NTM: variants seen among roughly 807,000 people sequenced by gnomAD.
NTM encodes the protein neurotrimin, also known as IgLON family member 2.
A neutral mutation model predicts 42.1 loss-of-function variants in NTM; 13 were observed. That is an observed-to-expected ratio of 0.31 (90% CI 0.20 to 0.49). NTM has a LOEUF of 0.49. Among genes scored for constraint, NTM ranks in the 20% least tolerant of loss-of-function variants. The probability of loss-of-function intolerance (pLI) is 0.99; values close to 1 mark genes in which losing one functional copy is unlikely to be tolerated. For missense variants in NTM, 373 were observed against 452.8 expected (o/e 0.82, Z 1.60); for synonymous variants, 187 against 179.2 (o/e 1.04, Z -0.35).
chr11:131,710,550 T>A (rs1211418554), intron 1 of NTM, among the ~76,000 whole-genome samples: 2 of 152,184 alleles, frequency 1.3e-5, no homozygotes. Flanking sequence ...TGTCATGATA[T>A]CTACTCAAAC....
intron 1 of NTM, among the ~76,000 whole-genome samples, chr11:131,613,789 A>G (rs1312492997): frequency 6.6e-6 from 1 of 151,990 alleles, no homozygotes; most frequent in East Asian, 1.9e-4. Flanking sequence ...ACAGCCCGTA[A>G]GATCTGAGAC....
chr11:131,479,734 G>T (rs556924820), intron 1 of NTM, among the ~76,000 whole-genome samples: 14 of 152,318 alleles, frequency 9.2e-5, no homozygotes, highest in African/African-American at 3.4e-4. Flanking sequence ...GGGATGGAGG[G>T]AAGGGAGTGA....
At chr11:131,797,427 A>AGCATTTGAGTATGACTATG (rs2091688277) in intron 1 of NTM, among the ~76,000 whole-genome samples, 1 of 152,184 alleles carries the variant, frequency 6.6e-6, no homozygotes, top group African/African-American at 2.4e-5. Flanking sequence ...GTGGACAAAG[A>AGCATTTGAGTATGACTATG]GCATTTGAGT....
intron 1 of NTM, among the ~76,000 whole-genome samples, chr11:131,416,933 G>C (rs1448025320): frequency 1.3e-5 from 2 of 152,162 alleles, no homozygotes; most frequent in African/African-American, 4.8e-5. Flanking sequence ...CAGTAGACTT[G>C]TTTTCCAGTC....
chr11:131,927,660 C>G (rs1331753883), intron 2 of NTM, among the ~76,000 whole-genome samples: 3 of 152,140 alleles, frequency 2.0e-5, no homozygotes, highest in Admixed American at 6.5e-5. Flanking sequence ...GGGTTCCGTA[C>G]TTACTAACAG....
chr11:132,327,758 C>A (rs1423898113), intron 7 of NTM, among the ~76,000 whole-genome samples: 1 of 152,010 alleles, frequency 6.6e-6, no homozygotes, highest in Non-Finnish European at 1.5e-5. Flanking sequence ...TTGTTTTCTT[C>A]TTGTTGTATT....
At chr11:131,477,853 A>G (rs940241460) in intron 1 of NTM, among the ~76,000 whole-genome samples, 43 of 150,692 alleles carry the variant, frequency 2.9e-4, no homozygotes, top group African/African-American at 9.3e-4. Flanking sequence ...GTCATACTAG[A>G]TTTCTTCCCT....
At chr11:131,824,905 C>T (rs1234359341) in intron 1 of NTM, among the ~76,000 whole-genome samples, 1 of 152,202 alleles carries the variant, frequency 6.6e-6, no homozygotes, top group Non-Finnish European at 1.5e-5. Context: ...AAGGCCAGTA[C>T]AGCTGTAGCT....
intron 1 of NTM, among the ~76,000 whole-genome samples, chr11:131,824,263 T>C (rs560955469): frequency 2.6e-5 from 4 of 152,200 alleles, no homozygotes; most frequent in African/African-American, 4.8e-5. Flanking sequence ...GTAGTAATTA[T>C]CCATTACATT....
intron 1 of NTM, among the ~76,000 whole-genome samples, chr11:131,840,006 G>T (rs1474658554): frequency 6.6e-6 from 1 of 152,214 alleles, no homozygotes; most frequent in Non-Finnish European, 1.5e-5. Context: ...CTTGCCATCA[G>T]CTGAGACAGA....
chr11:131,819,559 G>C (rs1005328954), intron 1 of NTM, among the ~76,000 whole-genome samples: 7 of 152,180 alleles, frequency 4.6e-5, no homozygotes, highest in African/African-American at 1.7e-4. Flanking sequence ...TCCTGTGTCA[G>C]GAAAATCCTG....
chr11:132,319,298 T>A (rs1231948786), intron 7 of NTM, among the ~76,000 whole-genome samples: 1 of 152,162 alleles, frequency 6.6e-6, no homozygotes, highest in African/African-American at 2.4e-5. Context: ...GCTCACCGTG[T>A]GCGAGCCGAA....
At chr11:131,866,516 T>C (rs1271733741) in intron 1 of NTM, among the ~76,000 whole-genome samples, 1 of 152,234 alleles carries the variant, frequency 6.6e-6, no homozygotes, top group East Asian at 1.9e-4. Flanking sequence ...CCCAAAGGAA[T>C]GAGTATGCAA....
intron 1 of NTM, among the ~76,000 whole-genome samples, chr11:131,627,661 T>G: frequency 6.6e-6 from 1 of 151,958 alleles, no homozygotes; most frequent in African/African-American, 2.4e-5. Context: ...TTACACCCCA[T>G]CTCTACAAAA....
intron 7 of NTM, among the ~76,000 whole-genome samples, chr11:132,320,884 C>A (rs1338448697): frequency 2.0e-5 from 3 of 151,682 alleles, no homozygotes; most frequent in South Asian, 4.2e-4. Flanking sequence ...CCCCGAGCAG[C>A]CTAACTGGGA....
chr11:131,613,259 C>G (rs74586275), intron 1 of NTM, among the ~76,000 whole-genome samples: 10,581 of 152,272 alleles, frequency 0.069, 405 homozygotes, highest in East Asian at 0.18. Flanking sequence ...CAAGCAGACC[C>G]TGATGCCCTC....
intron 1 of NTM, among the ~76,000 whole-genome samples, chr11:131,434,338 T>G (rs538532220): frequency 6.6e-6 from 1 of 152,362 alleles, no homozygotes; most frequent in Admixed American, 6.5e-5. Context: ...GTATTTCTAG[T>G]TCTAGATCCT....
At chr11:131,817,343 G>A (rs983092448) in intron 1 of NTM, among the ~76,000 whole-genome samples, 1 of 152,198 alleles carries the variant, frequency 6.6e-6, no homozygotes, top group East Asian at 1.9e-4. Flanking sequence ...TTCACATACA[G>A]CATATCTGCT....
At chr11:132,206,435 A>C (rs1047825644) in intron 3 of NTM, among the ~76,000 whole-genome samples, 1 of 152,172 alleles carries the variant, frequency 6.6e-6, no homozygotes, top group Non-Finnish European at 1.5e-5. Context: ...ACAATATTAA[A>C]ACTCACTCAT....
Sources: gnomAD v4.1 joint callset for allele counts (sites outside exome capture counted in the v4.1 genomes callset) on GRCh38, gnomAD v4.1.1 for gene constraint, MANE v1.5 for transcripts, NCBI Gene and HGNC (gene_info 2026-07-23, HGNC 2026-07-21) for gene names.